The following DOT1L variants were observed in gnomAD, a reference collection of about 807,000 sequenced individuals.
DOT1L encodes histone-lysine N-methyltransferase, H3 lysine-79 specific.
A neutral mutation model predicts 153.3 loss-of-function variants in DOT1L; 33 were observed. That is an observed-to-expected ratio of 0.22 (90% CI 0.16 to 0.29). The LOEUF is 0.29. Among genes scored for constraint, DOT1L ranks in the 10% least tolerant of loss-of-function variants. The pLI is 1.00. For missense variants in DOT1L, 1,847 were observed against 2,119.9 expected (o/e 0.87, Z 2.53); for synonymous variants, 1,135 against 965.1 (o/e 1.18, Z -3.26).
chr19:2,169,697 C>T (rs566633066), intron 1 of DOT1L, among the ~76,000 whole-genome samples: 1 of 152,306 alleles, frequency 6.6e-6, no homozygotes, highest in African/African-American at 2.4e-5. Flanking sequence ...ATCTGCTGCT[C>T]ATCAGAGTGT....
intron 1 of DOT1L, among the ~76,000 whole-genome samples, chr19:2,180,255 C>G (rs2022168532): frequency 6.6e-6 from 1 of 152,176 alleles, no homozygotes. Context: ...CGCAGGACTC[C>G]CAGCCAGGCT....
rs553297795 is a variant in DOT1L, at chr19:2,177,148, C to T, written c.82-3565C>T. On this transcript the variant is annotated intron_variant, in intron 1 of 27. Coordinates refer to ENST00000398665, the MANE Select transcript of DOT1L (RefSeq NM_032482.3). Reference sequence around the variant, plus strand: ...CCCCGTGAGGGGGAGCTCTGTGGAGCGGCACTGTCCTGACGGCAGCCACTA... The same window carrying T: ...CCCCGTGAGGGGGAGCTCTGTGGAGTGGCACTGTCCTGACGGCAGCCACTA... Among the ~76,000 whole-genome samples the T allele has an allele frequency of 7.2e-5, 11 of 152,274 alleles. No homozygotes were observed. In the South Asian group the frequency reaches 1.2e-3, roughly 17 times the overall value.
At chr19:2,166,794 C>T (rs1448851135) in intron 1 of DOT1L, among the ~76,000 whole-genome samples, 1 of 152,210 alleles carries the variant, frequency 6.6e-6, no homozygotes, top group South Asian at 2.1e-4. Context: ...TACGTTTTGA[C>T]AAACTCATTG....
At chr19:2,192,016 C>T (rs3815146) in intron 5 of DOT1L, among the ~76,000 whole-genome samples, 62,104 of 152,102 alleles carry the variant, frequency 0.41, 13,214 homozygotes, top group African/African-American at 0.52. Context: ...GCAGGGCTGA[C>T]GGGGCCACCC....
At chr19:2,211,657 C>G in intron 15 of DOT1L, 94 bp from the exon 16 acceptor site, 1 of 1,114,464 alleles carries the variant, frequency 9.0e-7, no homozygotes, top group Non-Finnish European at 1.3e-6. Context: ...TGACACCTGC[C>G]GAGGCCTGGG....
intron 1 of DOT1L, among the ~76,000 whole-genome samples, chr19:2,170,490 G>A (rs553782555): frequency 1.3e-5 from 2 of 152,244 alleles, no homozygotes; most frequent in South Asian, 2.1e-4. Context: ...AACCAGATAC[G>A]GGTACCCGGG....
Position 2,230,460 on chromosome 19 carries a change from G to A in DOT1L, c.*668G>A, listed in dbSNP as rs1321210166. The A allele has an allele frequency of 1.3e-5, 5 of 399,236 alleles. No individual in the cohort carries two copies. Among genetic ancestry groups the A allele is most frequent in the Non-Finnish European group, 2.2e-5 (5 of 226,596 alleles). The allele number at this position is 399,236 out of a possible 1,614,324, so 24.7% of individuals were successfully genotyped here. ...CCCTTGCATGTGAAGGGGCCTGCGC[G>A]GTGACGCAGCTGGCCATGTGCTGCG... On this transcript the variant is annotated 3_prime_UTR_variant, in exon 28 of 28. Coordinates refer to ENST00000398665, the MANE Select transcript of DOT1L (RefSeq NM_032482.3).
rs1035501474 is a variant in DOT1L, at chr19:2,231,958, C to T, written c.*2166C>T. ...ACTGGGTCATATGCGTGTCACCACA[C>T]GTGAACTAGTGTGGTGGCTGCCTGC... On this transcript the variant is annotated 3_prime_UTR_variant, in exon 28 of 28. Coordinates refer to ENST00000398665, the MANE Select transcript of DOT1L (RefSeq NM_032482.3). 3.8e-5 allele frequency: 8 copies of T among 212,270 alleles called. No homozygotes were observed. The highest frequency in any genetic ancestry group is 1.1e-4 in the African/African-American group (5 of 44,084). The allele number at this position is 212,270 out of a possible 1,614,324, so 13.1% of individuals were successfully genotyped here. A position where few individuals can be genotyped will look rare whatever the true frequency, so the allele number is the denominator to read the frequency against.
At chr19:2,167,481 G>A (rs2019968416) in intron 1 of DOT1L, among the ~76,000 whole-genome samples, 1 of 152,220 alleles carries the variant, frequency 6.6e-6, no homozygotes, top group African/African-American at 2.4e-5. Context: ...CTTTCTAGTG[G>A]TGGGCGGGAC....
At chr19:2,169,333 C>T (rs924883785) in intron 1 of DOT1L, among the ~76,000 whole-genome samples, 3 of 152,090 alleles carry the variant, frequency 2.0e-5, no homozygotes, top group East Asian at 1.9e-4. Flanking sequence ...GTAAAGGAGT[C>T]GCTTTAAATA....
rs1227321160 is a variant in DOT1L at position 2,216,289 on chromosome 19, T to C, written c.1932T>C (p.Ile644=). 1.9e-6 allele frequency: 3 copies of C among 1,577,492 alleles called. No individual in the cohort carries two copies. Among genetic ancestry groups the C allele is most frequent in the African/African-American group, 2.7e-5 (2 of 74,264 alleles). The change falls in exon 20 of 28, where the codon ATT becomes ATC. Residue 644 remains isoleucine (I), a synonymous_variant. Transcript: ENST00000398665. ...QRHCLELQIS[I]VELEKSQRQQ... ...CATCTCTCCTCCTGCAGATCAGCAT[T>C]GTGGAGCTAGAGAAGAGCCAGCGGC... is the stretch of plus-strand genomic sequence containing the variant.
chr19:2,219,999 G>C (rs996711131), intron 22 of DOT1L, 109 bp from the exon 23 acceptor site: 1 of 981,120 alleles, frequency 1.0e-6, no homozygotes, highest in Non-Finnish European at 1.5e-6. Flanking sequence ...CGGTGACCCC[G>C]GCGGCCTCCC....
At chr19:2,188,738 C>T (rs78570189) in intron 3 of DOT1L, among the ~76,000 whole-genome samples, 179 of 152,316 alleles carry the variant, frequency 1.2e-3, no homozygotes, top group African/African-American at 4.1e-3. Context: ...GAGGGACAGA[C>T]GCTGTTGTCC....
intron 27 of DOT1L, chr19:2,227,823 C>T (rs527483820): frequency 3.9e-6 from 5 of 1,298,628 alleles, no homozygotes; most frequent in African/African-American, 3.1e-5. Context: ...CAGCGCCACA[C>T]TGGGCCCGAG....
intron 1 of DOT1L, 101 bp downstream of exon 1, chr19:2,164,366 T>C: frequency 1.3e-6 from 1 of 773,928 alleles, no homozygotes; most frequent in Non-Finnish European, 1.7e-6. Context: ...CGGTCCCCCC[T>C]GCGGAACGGA....
At chr19:2,198,758 C>A (rs1336199664) in intron 7 of DOT1L, among the ~76,000 whole-genome samples, 1 of 152,230 alleles carries the variant, frequency 6.6e-6, no homozygotes, top group East Asian at 1.9e-4. Context: ...CCCTTCCTGT[C>A]TCTGGATGGG....
chr19:2,166,421 T>C (rs2019925130), intron 1 of DOT1L, among the ~76,000 whole-genome samples: 1 of 150,858 alleles, frequency 6.6e-6, no homozygotes, highest in Non-Finnish European at 1.5e-5. Flanking sequence ...TATATTTATT[T>C]ATTTTTTGAG....
In DOT1L at chr19:2,220,844, G is replaced by A. The variant is rs770361416; in HGVS notation, c.2806+622G>A. The A allele has an allele frequency of 6.6e-6, 2 of 305,100 alleles. No homozygotes were observed. 18.9% of individuals were successfully genotyped at this position (305,100 alleles called of 1,614,324 possible). On this transcript the variant is annotated intron_variant, in intron 23 of 27. Transcript: ENST00000398665. This position sits in a 1 kb window ranked among gnomAD's most constrained non-coding sequence, Gnocchi z 4.5. ...GGCTGGTTTGCTGGCCCCAGGTTGA[G>A]ATGCGGTATGATGCGGCAGCTACTT...
chr19:2,165,924 A>T (rs2144633094), intron 1 of DOT1L, among the ~76,000 whole-genome samples: 1 of 151,228 alleles, frequency 6.6e-6, no homozygotes. Flanking sequence ...GCCCGCCACC[A>T]CGCCCGGCTA....
Sources: gnomAD v4.1 joint callset for allele counts (sites outside exome capture counted in the v4.1 genomes callset) on GRCh38, gnomAD v4.1.1 for gene constraint, Gnocchi (gnomAD v3.1) non-coding constraint, MANE v1.5 for transcripts, NCBI Gene and HGNC (gene_info 2026-07-23, HGNC 2026-07-21) for gene names.